The following RIF1 variants were observed in gnomAD, a reference collection of about 807,000 sequenced individuals.
The protein encoded by RIF1 is telomere-associated protein RIF1.
In RIF1, 45 loss-of-function variants were observed where a neutral mutation model predicts 247.1. That is an observed-to-expected ratio of 0.18 (90% CI 0.14 to 0.23). The LOEUF (loss-of-function observed/expected upper bound fraction) is 0.23. Ranked by LOEUF, RIF1 falls within the 10% of genes least tolerant of loss-of-function variation. The probability of loss-of-function intolerance (pLI) is 1.00; values close to 1 mark genes in which losing one functional copy is unlikely to be tolerated. For missense variants in RIF1, 2,967 were observed against 2,862.5 expected (o/e 1.04, Z -0.83); for synonymous variants, 1,087 against 978.8 (o/e 1.11, Z -2.06).
chr2:151,507,529 A>G lies in RIF1; in HGVS notation c.*1028-200A>G, dbSNP rs151190834. On this transcript the variant is annotated intron_variant and NMD_transcript_variant, in intron 13 of 13. Transcript: ENST00000454583. ...GAGGAAAGGAGCCAAAGACACAGAG[A>G]TACTAGGAGAATCTGAACAAACAGC... Among the ~76,000 whole-genome samples, 345 of 152,324 alleles carry G rather than the reference A, an allele frequency of 2.3e-3. 8 individuals carry two copies. In the East Asian group the frequency reaches 0.044, roughly 20 times the overall value.
At position 151,468,035 on chromosome 2, in the gene RIF1, A is replaced by G. The variant is rs1367692601; in HGVS notation, c.6636A>G (p.Gln2212=). Reference sequence around the variant, plus strand: ...TCTCCTTTGCAGATCCAATATACCAAGCAGGATTGGCAGATGACATTGATA... The same window carrying G: ...TCTCCTTTGCAGATCCAATATACCAGGCAGGATTGGCAGATGACATTGATA... ...RRVSFADPIY[Q]AGLADDIDRR... is the part of the protein sequence containing the mutation. The change falls in exon 31 of 36, where the codon CAA becomes CAG. Residue 2212 remains glutamine (Q), a synonymous_variant. Transcript: ENST00000444746. The G allele has an allele frequency of 1.2e-6, 2 of 1,613,806 alleles. No homozygotes were observed. The highest frequency in any genetic ancestry group is 8.5e-7 in the Non-Finnish European group (1 of 1,179,888).
chr2:151,456,452 G>T, intron 22 of RIF1, 126 bp from the exon 23 acceptor site: 1 of 555,034 alleles, frequency 1.8e-6, no homozygotes, highest in Non-Finnish European at 3.1e-6. Flanking sequence ...AAGTCTTTGG[G>T]CACCTTTTTA....
intron 9 of RIF1, among the ~76,000 whole-genome samples, chr2:151,487,595 A>C (rs531006251): frequency 1.3e-5 from 2 of 152,276 alleles, no homozygotes; most frequent in Middle Eastern, 3.4e-3. Flanking sequence ...ATCACGAATT[A>C]TTCAGCCATT....
chr2:151,509,083 TC>T (rs1476045797), downstream of RIF1, among the ~76,000 whole-genome samples: 3 of 152,324 alleles, frequency 2.0e-5, no homozygotes, highest in East Asian at 5.8e-4. Context: ...ATAAAACTAT[TC>T]TGTCTGTCTC....
At chr2:151,462,664 T>C (rs1284510566) in intron 29 of RIF1, among the ~76,000 whole-genome samples, 198 bp downstream of exon 29, 1 of 151,978 alleles carries the variant, frequency 6.6e-6, no homozygotes, top group Non-Finnish European at 1.5e-5. Flanking sequence ...TGTGTGTGTG[T>C]GTGTATAAAA....
In RIF1 at chr2:151,463,346, G is replaced by T; in HGVS notation, c.3826G>T (p.Asp1276Tyr). The T allele has an allele frequency of 6.2e-7, 1 of 1,613,420 alleles. No individual in the cohort carries two copies. Among genetic ancestry groups the T allele is most frequent in the South Asian group, 1.1e-5 (1 of 90,918 alleles). ...KQREGTFSKS[D>Y]SEKIVNGTKR... ...AAGAGAAGGGACTTTTTCAAAATCT[G>T]ATTCTGAAAAAATAGTGAATGGAAC... is the stretch of plus-strand genomic sequence containing the variant. The change falls in exon 30 of 36, where the codon GAT becomes TAT. Residue 1276 changes from aspartate to tyrosine, a missense_variant. Asp to Tyr is a radical substitution (Grantham distance 160). This residue lies in a region of RIF1 where 2,028 missense variants were observed against 1,825.6 expected (regional missense o/e 1.11). Coordinates refer to ENST00000444746, the MANE Select transcript of RIF1 (RefSeq NM_018151.5).
chr2:151,434,231 T>C (rs1690718992), intron 10 of RIF1, among the ~76,000 whole-genome samples: 1 of 151,964 alleles, frequency 6.6e-6, no homozygotes, highest in African/African-American at 2.4e-5. Flanking sequence ...GGACCAGTTC[T>C]TGTTTTTTTA....
chr2:151,468,891 A>G (rs905278469), intron 33 of RIF1, 135 bp downstream of exon 33: 5 of 679,982 alleles, frequency 7.4e-6, no homozygotes, highest in Middle Eastern at 5.1e-4. Flanking sequence ...TGAAATAAAA[A>G]TGCAACTGAG....
chr2:151,410,383 G>T, intron 1 of RIF1, 31 bp from the exon 2 acceptor site: 2 of 1,576,608 alleles, frequency 1.3e-6, no homozygotes, highest in South Asian at 2.3e-5. Flanking sequence ...ATCGGTCACT[G>T]GATTTTCTCC....
downstream of RIF1, among the ~76,000 whole-genome samples, chr2:151,482,399 C>A (rs906708933): frequency 2.6e-5 from 4 of 152,048 alleles, no homozygotes; most frequent in African/African-American, 9.7e-5. Context: ...TTTCTAAATC[C>A]AGAGGTGGTG....
intron 34 of RIF1, among the ~76,000 whole-genome samples, chr2:151,471,448 C>T (rs1239433409): frequency 1.3e-5 from 2 of 152,176 alleles, no homozygotes; most frequent in African/African-American, 2.4e-5. Context: ...CTTGCCCATG[C>T]CTATGTCCCA....
intron 4 of RIF1, among the ~76,000 whole-genome samples, chr2:151,415,644 C>T (rs1442181423): frequency 2.7e-5 from 4 of 148,130 alleles, no homozygotes; most frequent in African/African-American, 5.0e-5. Flanking sequence ...GAGGCCGAGG[C>T]GGGTGGATCA....
At chr2:151,425,401 A>G (rs1462559806) in intron 8 of RIF1, among the ~76,000 whole-genome samples, 1 of 152,014 alleles carries the variant, frequency 6.6e-6, no homozygotes, top group Non-Finnish European at 1.5e-5. Context: ...AGTATAATAT[A>G]TATATTTTTT....
At position 151,464,465 on chromosome 2, in the gene RIF1, G is replaced by A. The variant is rs757273736; in HGVS notation, c.4945G>A (p.Val1649Met). 11 of 1,613,492 alleles carry A rather than the reference G, an allele frequency of 6.8e-6. No individual in the cohort carries two copies. The highest frequency in any genetic ancestry group is 5.3e-5 in the African/African-American group (4 of 75,034). Reference sequence around the variant, plus strand: ...GCAAGTTCCTGATGATTTACCAAATGTGTGTGAGGAAAAAAATGAAACTAG... The same window carrying A: ...GCAAGTTCCTGATGATTTACCAAATATGTGTGAGGAAAAAAATGAAACTAG... ...LLQVPDDLPNVCEEKNETSKY... is the reference protein window; with the variant it reads ...LLQVPDDLPNMCEEKNETSKY... Residue 1649 changes from valine to methionine, a missense_variant, in exon 30 of 36, where the codon GTG (valine) becomes ATG (methionine). By Grantham distance (21) the Val-to-Met change is conservative. Transcript: ENST00000444746.
intron 9 of RIF1, among the ~76,000 whole-genome samples, chr2:151,432,852 T>G (rs1690428834): frequency 6.6e-6 from 1 of 152,226 alleles, no homozygotes; most frequent in Admixed American, 6.5e-5. Flanking sequence ...ATTACTTATT[T>G]GTTTTAAAAT....
rs2152493522 is a variant in RIF1, at chr2:151,462,307, G to A, written c.3293G>A (p.Ser1098Asn). 1 of 1,583,000 alleles carries A rather than the reference G, an allele frequency of 6.3e-7. No homozygotes were observed. Among genetic ancestry groups the A allele is most frequent in the East Asian group, 2.3e-5 (1 of 44,426 alleles). ...CAAGATACCTTATTTACTCAGTATA[G>A]TCAGGAAGAGCCTATGTAAGTACAG... ...VSQDTLFTQYSQEEPMEIPTL... is the reference protein window; with the variant it reads ...VSQDTLFTQYNQEEPMEIPTL... The change falls in exon 28 of 36, where the codon AGT (serine) becomes AAT (asparagine). Residue 1098 changes from serine (S) to asparagine (N), a missense_variant. Physicochemically the swap from Ser to Asn is conservative, Grantham distance 46. Around this residue, in one of 7 missense-constraint regions of RIF1, gnomAD observed 2,028 missense variants for 1,825.6 expected, o/e 1.11. Transcript: ENST00000444746.
intron 31 of RIF1, 38 bp from the exon 32 acceptor site, chr2:151,468,436 G>A: frequency 6.8e-7 from 1 of 1,473,926 alleles, no homozygotes; most frequent in South Asian, 1.1e-5. Context: ...AGTCATCTAG[G>A]GTTCTGAGTG....
intron 10 of RIF1, among the ~76,000 whole-genome samples, chr2:151,434,098 A>G (rs928857289): frequency 1.3e-4 from 20 of 150,504 alleles, no homozygotes; most frequent in Admixed American, 4.7e-4. Flanking sequence ...AACCCAGGAG[A>G]TGGAGGTTGC....
chr2:151,484,424 T>C (rs549817161), downstream of RIF1, among the ~76,000 whole-genome samples: 59 of 152,330 alleles, frequency 3.9e-4, 1 homozygote, highest in African/African-American at 1.4e-3. Context: ...GGCAAAACCC[T>C]GTCTGTACTG....
Sources: gnomAD v4.1 joint callset for allele counts (sites outside exome capture counted in the v4.1 genomes callset) on GRCh38, gnomAD v4.1.1 for gene constraint, gnomAD v4.1.1 regional missense constraint, MANE v1.5 for transcripts, NCBI Gene and HGNC (gene_info 2026-07-23, HGNC 2026-07-21) for gene names.